Variants in TIAM1 observed in about 807,000 individuals in gnomAD.
TIAM1 encodes the protein rho guanine nucleotide exchange factor TIAM1.
TIAM1 carries 65 observed loss-of-function variants against 163.5 expected under a neutral mutation model. That is an observed-to-expected ratio of 0.40 (90% CI 0.33 to 0.49). TIAM1 has a LOEUF of 0.49. TIAM1 is among the 20% of genes least tolerant of loss of function. The pLI is 0.77. For missense variants in TIAM1, 1,789 were observed against 2,044.7 expected (o/e 0.87, Z 2.41); for synonymous variants, 833 against 810.1 (o/e 1.03, Z -0.48).
chr21:31,203,137 T>C, intron 11 of TIAM1, 125 bp from the exon 12 acceptor site: 1 of 824,178 alleles, frequency 1.2e-6, no homozygotes. Flanking sequence ...TTGTTGTTGT[T>C]TTGAGATGGA....
At chr21:31,162,267 G>C (rs1175905918) in intron 16 of TIAM1, among the ~76,000 whole-genome samples, 4 of 152,128 alleles carry the variant, frequency 2.6e-5, no homozygotes, top group Non-Finnish European at 5.9e-5. Flanking sequence ...GTGAGGCTAA[G>C]ATGAGTTAAT....
intron 4 of TIAM1, among the ~76,000 whole-genome samples, chr21:31,256,312 C>CA (rs1398805850): frequency 6.6e-6 from 1 of 152,066 alleles, no homozygotes; most frequent in Admixed American, 6.6e-5. Flanking sequence ...ATTCCAGGAC[C>CA]AGTAGAATCA....
chr21:31,152,906 T>C (rs2083447133), intron 18 of TIAM1, 145 bp from the exon 19 acceptor site: 8 of 1,303,066 alleles, frequency 6.1e-6, no homozygotes, highest in South Asian at 1.5e-5. Context: ...TTTTTTACTC[T>C]TCATGAGCAC....
intron 1 of TIAM1, among the ~76,000 whole-genome samples, chr21:31,510,919 T>G (rs2047192747): frequency 6.6e-6 from 1 of 152,160 alleles, no homozygotes; most frequent in Admixed American, 6.5e-5. Context: ...CCTGAGTTCC[T>G]ATGACTGGTG....
intron 5 of TIAM1, among the ~76,000 whole-genome samples, chr21:31,249,530 CG>C (rs1428344340): frequency 6.6e-6 from 1 of 152,130 alleles, no homozygotes; most frequent in African/African-American, 2.4e-5. Context: ...AGGTGATCTT[CG>C]GATCAAGCTA....
intron 1 of TIAM1, among the ~76,000 whole-genome samples, chr21:31,527,349 C>T (rs2047822624): frequency 6.6e-6 from 1 of 152,072 alleles, no homozygotes; most frequent in Non-Finnish European, 1.5e-5. Context: ...AGAGGAGGCC[C>T]AGAGACACAA....
chr21:31,207,514 C>T (rs8131358), intron 11 of TIAM1, among the ~76,000 whole-genome samples: 14,616 of 152,040 alleles, frequency 0.096, 2,158 homozygotes, highest in African/African-American at 0.32. Flanking sequence ...AAACCATTCG[C>T]CATTATATCA....
At chr21:31,230,397 C>T (rs531752740) in intron 6 of TIAM1, among the ~76,000 whole-genome samples, 209 of 151,184 alleles carry the variant, frequency 1.4e-3, no homozygotes, top group South Asian at 2.7e-3. Flanking sequence ...CTCCACCAAC[C>T]CTGTTCTTAA....
At chr21:31,256,588 TACACACACACACAC>T (rs5030999) in intron 4 of TIAM1, among the ~76,000 whole-genome samples, 15 of 128,244 alleles carry the variant, frequency 1.2e-4, no homozygotes, top group East Asian at 4.8e-4. Context: ...TACCCCTCAC[TACACACACACACAC>T]ACACACACAC....
At chr21:31,384,712 C>A (rs555423247) in intron 2 of TIAM1, among the ~76,000 whole-genome samples, 93 of 152,316 alleles carry the variant, frequency 6.1e-4, no homozygotes, top group African/African-American at 2.2e-3. Context: ...TTAAGTCCCA[C>A]AAATAGGTCA....
chr21:31,505,776 G>A (rs1250523129), intron 1 of TIAM1, among the ~76,000 whole-genome samples: 3 of 152,134 alleles, frequency 2.0e-5, no homozygotes, highest in East Asian at 3.9e-4. Context: ...AGGCTGAAGC[G>A]GGCGGATCAC....
At chr21:31,181,705 A>T (rs796408621) in intron 15 of TIAM1, among the ~76,000 whole-genome samples, 3 of 138,182 alleles carry the variant, frequency 2.2e-5, no homozygotes, top group African/African-American at 8.0e-5. Flanking sequence ...CAGAGGTAGG[A>T]CTTAGTCTCA....
intron 2 of TIAM1, among the ~76,000 whole-genome samples, chr21:31,336,095 G>A (rs1463565189): frequency 3.9e-5 from 6 of 152,162 alleles, no homozygotes; most frequent in Admixed American, 6.5e-5. Flanking sequence ...TGTCGGGGGC[G>A]CACCCAGGAG....
intron 2 of TIAM1, among the ~76,000 whole-genome samples, chr21:31,462,810 T>C (rs28651191): frequency 0.12 from 18,223 of 151,384 alleles, 1,937 homozygotes; most frequent in East Asian, 0.57. Context: ...TGATGCAATC[T>C]TCGCTCACTG....
chr21:31,330,729 G>C (rs1011910542), intron 2 of TIAM1, among the ~76,000 whole-genome samples: 3 of 152,172 alleles, frequency 2.0e-5, no homozygotes, highest in African/African-American at 7.2e-5. Flanking sequence ...ATAGCAGTTT[G>C]GTGTGGGGAG....
intron 15 of TIAM1, among the ~76,000 whole-genome samples, chr21:31,174,559 A>G (rs890438775): frequency 6.6e-6 from 1 of 152,186 alleles, no homozygotes; most frequent in Non-Finnish European, 1.5e-5. Context: ...GGCTTTCTCC[A>G]ACACCACAGC....
Position 31,210,106 on chromosome 21 carries a change from G to A in TIAM1, c.2327C>T (p.Pro776Leu). ...GCCTGGCCGGACGACCGTCAGGGCA[G>A]GCTGATTATTGGGCAGACAGAACCA... ...PSWFCLPNNQ[P>L]ALTVVRPGDT... The change falls in exon 11 of 28, where the codon CCT (proline) becomes CTT (leucine). Residue 776 changes from proline (P) to leucine (L), a missense_variant. By Grantham distance (98) the Pro-to-Leu change is moderately conservative. Around this residue, in one of 5 missense-constraint regions of TIAM1, gnomAD observed 456 missense variants for 586.6 expected, o/e 0.78. Transcript: ENST00000541036. The A allele has an allele frequency of 1.2e-6, 2 of 1,614,192 alleles. No individual in the cohort carries two copies. The highest frequency in any genetic ancestry group is 1.3e-5 in the African/African-American group (1 of 75,044).
intron 6 of TIAM1, among the ~76,000 whole-genome samples, chr21:31,235,174 T>A (rs1274755135): frequency 6.6e-6 from 1 of 152,022 alleles, no homozygotes; most frequent in Non-Finnish European, 1.5e-5. Context: ...AAGGAAAACA[T>A]CAATGATGAA....
intron 2 of TIAM1, among the ~76,000 whole-genome samples, chr21:31,384,439 G>A (rs2076831989): frequency 6.6e-6 from 1 of 151,610 alleles, no homozygotes; most frequent in Non-Finnish European, 1.5e-5. Context: ...AGCTGGCATG[G>A]TGGCACGCAT....
Sources: allele counts gnomAD v4.1 joint callset (sites outside exome capture counted in the v4.1 genomes callset), GRCh38; gene constraint gnomAD v4.1.1; regional missense constraint gnomAD v4.1.1; transcripts MANE v1.5; gene names NCBI Gene and HGNC (gene_info 2026-07-23, HGNC 2026-07-21).